Variants in LYPLAL1 observed in about 807,000 individuals in gnomAD.
LYPLAL1 encodes the protein lysophospholipase like 1.
In LYPLAL1, 23 loss-of-function variants were observed where a neutral mutation model predicts 19.7. The observed-to-expected ratio is 1.17, with a 90% CI of 0.84 to 1.65. The LOEUF is 1.65. Among genes scored for constraint, LYPLAL1 ranks in the 40% most tolerant of loss-of-function variants. LYPLAL1 has a pLI of 0.00. For missense variants in LYPLAL1, 355 were observed against 279.4 expected, an observed-to-expected ratio of 1.27 and a Z score of -1.93; for synonymous variants, 119 against 96.3, an observed-to-expected ratio of 1.24 and a Z score of -1.38.
chr1:219,284,020 G>A, the LYPLAL1 span, among the ~76,000 whole-genome samples: 85 of 152,280 alleles, frequency 5.6e-4, 2 homozygotes, highest in East Asian at 0.016. Flanking sequence ...ATTGAATCAT[G>A]GGGATGGTTC....
At chr1:219,375,515 A>G in the LYPLAL1 span, among the ~76,000 whole-genome samples, 8 of 148,028 alleles carry the variant, frequency 5.4e-5, no homozygotes, top group Admixed American at 4.0e-4. Context: ...AAAAAAAAAA[A>G]GGAACAAATA....
the LYPLAL1 span, among the ~76,000 whole-genome samples, chr1:219,406,999 T>G: frequency 7.2e-5 from 11 of 152,216 alleles, no homozygotes; most frequent in Non-Finnish European, 5.9e-5. Flanking sequence ...ATGGTTGACA[T>G]CTCTGCAATT....
chr1:219,403,030 T>C, the LYPLAL1 span, among the ~76,000 whole-genome samples: 1 of 152,136 alleles, frequency 6.6e-6, no homozygotes, highest in Non-Finnish European at 1.5e-5. Context: ...TAAAGAGGGA[T>C]TGAAATCTAG....
At chr1:219,412,129 G>T in the LYPLAL1 span, among the ~76,000 whole-genome samples, 1 of 152,124 alleles carries the variant, frequency 6.6e-6, no homozygotes, top group African/African-American at 2.4e-5. Context: ...TCTCACCGCA[G>T]CCTCAAACTC....
At chr1:219,205,326 C>T (rs368893150) in intron 3 of LYPLAL1, among the ~76,000 whole-genome samples, 65 of 143,364 alleles carry the variant, frequency 4.5e-4, no homozygotes, top group Admixed American at 9.5e-4. Context: ...CACTGCAGTC[C>T]GCAGTCCGGC....
the LYPLAL1 span, among the ~76,000 whole-genome samples, chr1:219,227,189 C>T: frequency 2.3e-4 from 35 of 152,290 alleles, no homozygotes; most frequent in Middle Eastern, 6.8e-3. Context: ...GCAACGCAGA[C>T]GAAAATCTCT....
chr1:219,375,866 C>A, the LYPLAL1 span, among the ~76,000 whole-genome samples: 3 of 151,774 alleles, frequency 2.0e-5, no homozygotes, highest in Admixed American at 6.6e-5. Flanking sequence ...CTTAGCCTCC[C>A]GAGTAGCTGG....
chr1:219,185,713 G>T lies in LYPLAL1; in HGVS notation c.191+6467G>T, dbSNP rs1036864753. On this transcript the variant is annotated intron_variant, in intron 2 of 4. Transcript: ENST00000366928. ...TGCCAGGAACTGGAATCATCTGAAG[G>T]CTCACTCACATATATGGCATAATGC... is the stretch of plus-strand genomic sequence containing the variant. 5.3e-5 allele frequency among the ~76,000 whole-genome samples: 8 copies of T among 151,934 alleles called. No individual in the cohort carries two copies. In the East Asian group the frequency reaches 1.2e-3, roughly 22 times the overall value.
chr1:219,356,944 A>G, the LYPLAL1 span, among the ~76,000 whole-genome samples: 3 of 152,226 alleles, frequency 2.0e-5, no homozygotes, highest in African/African-American at 4.8e-5. Context: ...GACACATTAT[A>G]TTATAATTAT....
the LYPLAL1 span, chr1:219,223,226 T>C: frequency 6.6e-6 from 1 of 151,906 alleles, no homozygotes; most frequent in Non-Finnish European, 1.5e-5. Flanking sequence ...ACCATTTGGG[T>C]AGTTGTTTGG....
chr1:219,378,066 C>T, the LYPLAL1 span, among the ~76,000 whole-genome samples: 3 of 152,156 alleles, frequency 2.0e-5, no homozygotes, highest in African/African-American at 7.2e-5. Context: ...GGTTGCTGAC[C>T]TCTGGTGTAG....
chr1:219,201,091 A>G (rs747808703), intron 3 of LYPLAL1, among the ~76,000 whole-genome samples: 29 of 152,228 alleles, frequency 1.9e-4, no homozygotes, highest in African/African-American at 6.5e-4. Flanking sequence ...TTAGAACCTT[A>G]TTACATTGAT....
At chr1:219,193,396 T>G (rs1307320237) in intron 3 of LYPLAL1, 145 bp downstream of exon 3, 2 of 481,362 alleles carry the variant, frequency 4.2e-6, no homozygotes. Context: ...TATTGAGGAT[T>G]TCAAAGATAT....
the LYPLAL1 span, among the ~76,000 whole-genome samples, chr1:219,315,153 A>G: frequency 6.6e-6 from 1 of 152,206 alleles, no homozygotes; most frequent in Non-Finnish European, 1.5e-5. Context: ...ATTTAGATTA[A>G]AACTGAAATC....
the LYPLAL1 span, chr1:219,410,029 T>C: frequency 1.1e-4 from 16 of 152,244 alleles, no homozygotes; most frequent in African/African-American, 3.6e-4. Flanking sequence ...TCAGAATTCT[T>C]AATTGGCCAA....
chr1:219,300,624 T>A, the LYPLAL1 span, among the ~76,000 whole-genome samples: 2 of 143,890 alleles, frequency 1.4e-5, no homozygotes, highest in Non-Finnish European at 3.0e-5. Context: ...AAGCTCTGCC[T>A]CCTGGGTTCA....
chr1:219,444,494 T>C, the LYPLAL1 span, among the ~76,000 whole-genome samples: 1 of 152,164 alleles, frequency 6.6e-6, no homozygotes, highest in African/African-American at 2.4e-5. Context: ...CTGTTCATCA[T>C]AGAAGGAAAA....
At chr1:219,412,292 G>A in the LYPLAL1 span, among the ~76,000 whole-genome samples, 2 of 152,136 alleles carry the variant, frequency 1.3e-5, no homozygotes, top group African/African-American at 2.4e-5. Context: ...CTCCCAAAGT[G>A]CTGAGATTAC....
At chr1:219,252,422 AT>A in the LYPLAL1 span, among the ~76,000 whole-genome samples, 1 of 152,140 alleles carries the variant, frequency 6.6e-6, no homozygotes, top group Non-Finnish European at 1.5e-5. Flanking sequence ...TAGGTTTGTC[AT>A]AGATGGCTCT....
Sources: allele counts gnomAD v4.1 joint callset (sites outside exome capture counted in the v4.1 genomes callset), GRCh38; gene constraint gnomAD v4.1.1; transcripts MANE v1.5; gene names NCBI Gene and HGNC (gene_info 2026-07-23, HGNC 2026-07-21).